Variants in RYR2 observed in about 807,000 individuals in gnomAD.
RYR2 encodes the protein ryanodine receptor 2.
RYR2 carries 227 observed loss-of-function variants against 601.1 expected under a neutral mutation model. The observed-to-expected ratio is 0.38, with a 90% CI of 0.34 to 0.42. The LOEUF is 0.42. Ranked by LOEUF, RYR2 falls within the 10% of genes least tolerant of loss-of-function variation. RYR2 has a pLI of 1.00. For synonymous variants in RYR2, 2,223 were observed against 2,175.1 expected, an observed-to-expected ratio of 1.02 and a Z score of -0.61; for missense variants, 4,646 against 6,156.5, an observed-to-expected ratio of 0.75 and a Z score of 8.21.
chr1:237,611,120 CT>C (rs1677820829), intron 36 of RYR2, 132 bp downstream of exon 36: 8 of 701,680 alleles, frequency 1.1e-5, no homozygotes, highest in African/African-American at 8.9e-5. Context: ...GATCTAAATT[CT>C]TTAGGCAATG....
At position 237,346,367 on chromosome 1, in the gene RYR2, C is replaced by CAAAAAAAAAAAAAAAAAAAAAAAAAA. The variant is rs397975831; in HGVS notation, c.274-9581_274-9580insAAAAAAAAAAAAAAAAAAAAAAAAAA. Among the ~76,000 whole-genome samples, 91 of 62,258 alleles carry CAAAAAAAAAAAAAAAAAAAAAAAAAA rather than the reference C, an allele frequency of 1.5e-3. 3 individuals carry two copies. The highest frequency in any genetic ancestry group is 2.3e-3 in the Non-Finnish European group (68 of 29,754). The allele number at this position is 62,258 out of a possible 152,430, so 40.8% of individuals were successfully genotyped here. On this transcript the variant is annotated intron_variant, in intron 3 of 104. Coordinates refer to ENST00000366574, the MANE Select transcript of RYR2 (RefSeq NM_001035.3). ...CTGGGCAAAGTGAGAGGGTCTACCTCAAAAAAAAAAAAAAAAAGTGCATAT... is the reference window on the plus strand; with the variant it reads ...CTGGGCAAAGTGAGAGGGTCTACCTCAAAAAAAAAAAAAAAAAAAAAAAAAAAAAAAAAAAAAAAAAAAGTGCATAT...
chr1:237,781,779 C>T lies in RYR2; in HGVS notation c.11962+133C>T. On this transcript the variant is annotated intron_variant, in intron 89 of 104. Transcript: ENST00000366574. ...ATAGATGCCTTGGATTTCTTGCTGGCTTATTATTCTTTTTCTCACATTAGT... is the reference window on the plus strand; with the variant it reads ...ATAGATGCCTTGGATTTCTTGCTGGTTTATTATTCTTTTTCTCACATTAGT... 6.5e-6 allele frequency: 3 copies of T among 458,488 alleles called. No individual in the cohort carries two copies. In the South Asian group the frequency reaches 1.7e-4, roughly 26 times the overall value. The allele number at this position is 458,488 out of a possible 1,614,324, so 28.4% of individuals were successfully genotyped here. A position where few individuals can be genotyped will look rare whatever the true frequency, so the allele number is the denominator to read the frequency against.
At position 237,436,454 on chromosome 1, in the gene RYR2, CTTT is replaced by C. The variant is rs551140501; in HGVS notation, c.1006-4843_1006-4841del. On this transcript the variant is annotated intron_variant, in intron 12 of 104. Transcript: ENST00000366574. Reference sequence around the variant, plus strand: ...AGCCGAGGGATAATGTGTGATTTTCCTTTTTTTTTTTTTTTTTTTTTTTTGCAT... The same window carrying C: ...AGCCGAGGGATAATGTGTGATTTTCCTTTTTTTTTTTTTTTTTTTTTGCAT... 4.9e-3 allele frequency among the ~76,000 whole-genome samples: 241 copies of C among 48,702 alleles called. 4 individuals carry two copies. Among genetic ancestry groups the C allele is most frequent in the Admixed American group, 6.6e-3 (26 of 3,934 alleles). The allele number at this position is 48,702 out of a possible 152,430, so 32.0% of individuals were successfully genotyped here.
intron 1 of RYR2, among the ~76,000 whole-genome samples, chr1:237,251,049 TG>T: frequency 7.3e-6 from 1 of 137,328 alleles, no homozygotes; most frequent in South Asian, 2.3e-4. Flanking sequence ...TGTGTGTGTG[TG>T]TGTGTGTGTG....
intron 80 of RYR2, chr1:237,754,937 C>CT (rs1302679576): frequency 2.5e-3 from 1,034 of 414,272 alleles, no homozygotes; most frequent in Non-Finnish European, 3.2e-3. Flanking sequence ...AAAGCTGCCT[C>CT]TTTTTTTTTC....
intron 38 of RYR2, among the ~76,000 whole-genome samples, chr1:237,622,216 A>G (rs1220716917): frequency 6.6e-6 from 1 of 152,198 alleles, no homozygotes; most frequent in Non-Finnish European, 1.5e-5. Flanking sequence ...TATAAATTTA[A>G]TAGTATTGTT....
chr1:237,450,043 T>C (rs1657895438), intron 14 of RYR2, among the ~76,000 whole-genome samples: 1 of 152,182 alleles, frequency 6.6e-6, no homozygotes, highest in African/African-American at 2.4e-5. Context: ...CAAGACCCTC[T>C]GAATACTCTA....
At chr1:237,217,569 C>T (rs1683327794) in intron 1 of RYR2, among the ~76,000 whole-genome samples, 1 of 152,084 alleles carries the variant, frequency 6.6e-6, no homozygotes, top group Admixed American at 6.6e-5. Context: ...AATAATAGCA[C>T]CAAGTTCATA....
intron 1 of RYR2, among the ~76,000 whole-genome samples, chr1:237,159,643 C>A (rs1036135995): frequency 6.6e-6 from 1 of 152,046 alleles, no homozygotes; most frequent in African/African-American, 2.4e-5. Flanking sequence ...CCAACCTGGA[C>A]AACAAAGTGT....
intron 1 of RYR2, among the ~76,000 whole-genome samples, chr1:237,133,375 C>G (rs1289973698): frequency 6.6e-6 from 1 of 152,124 alleles, no homozygotes; most frequent in African/African-American, 2.4e-5. Flanking sequence ...CCTAGGCCCC[C>G]TTTCTTACTT....
intron 1 of RYR2, among the ~76,000 whole-genome samples, chr1:237,088,147 C>A (rs1009017290): frequency 6.7e-6 from 1 of 150,134 alleles, no homozygotes; most frequent in Non-Finnish European, 1.5e-5. Flanking sequence ...CTTGACTGTA[C>A]TTTTTTTTTT....
At chr1:237,461,385 T>G (rs978436862) in intron 16 of RYR2, among the ~76,000 whole-genome samples, 2 of 152,170 alleles carry the variant, frequency 1.3e-5, no homozygotes, top group African/African-American at 4.8e-5. Context: ...TGAACTTTCA[T>G]AGACTCTGTG....
At chr1:237,826,225 T>C (rs1001153427) in intron 101 of RYR2, among the ~76,000 whole-genome samples, 2 of 152,184 alleles carry the variant, frequency 1.3e-5, no homozygotes, top group African/African-American at 2.4e-5. Context: ...CGTATGTTTA[T>C]TGGGGCACTG....
At position 237,481,777 on chromosome 1, in the gene RYR2, C is replaced by A. The variant is rs1193509094; in HGVS notation, c.1709-10029C>A. The stretch of plus-strand genomic sequence containing the variant: ...ACTGCTTTTACACATAACTCAGATT[C>A]TTTCCCTTACAGCCTCACCATTGCT... On this transcript the variant is annotated intron_variant, in intron 17 of 104. Transcript: ENST00000366574. Among the ~76,000 whole-genome samples, 6 of 132,236 alleles carry A rather than the reference C, an allele frequency of 4.5e-5. No homozygotes were observed. The East Asian group carries it at 9.7e-4, about 21-fold the overall frequency. The allele number at this position is 132,236 out of a possible 152,430, so 86.8% of individuals were successfully genotyped here.
At chr1:237,385,358 A>C (rs912544940) in intron 8 of RYR2, among the ~76,000 whole-genome samples, 1 of 152,202 alleles carries the variant, frequency 6.6e-6, no homozygotes, top group Non-Finnish European at 1.5e-5. Context: ...GAGGTGATAG[A>C]TATCTCAATT....
At chr1:237,278,365 A>C (rs1029135003) in intron 2 of RYR2, among the ~76,000 whole-genome samples, 11 of 141,436 alleles carry the variant, frequency 7.8e-5, no homozygotes, top group African/African-American at 2.9e-4. Context: ...TGCTGAGATT[A>C]CAGCTGTCAG....
At chr1:237,387,428 A>G (rs759449346) in intron 9 of RYR2, 48 bp downstream of exon 9, 1 of 1,537,730 alleles carries the variant, frequency 6.5e-7, no homozygotes, top group South Asian at 1.1e-5. Flanking sequence ...TGCAAAGTTG[A>G]CAGTCATCTT....
intron 29 of RYR2, among the ~76,000 whole-genome samples, chr1:237,587,359 G>T (rs1274500878): frequency 6.6e-6 from 1 of 151,870 alleles, no homozygotes; most frequent in East Asian, 1.9e-4. Context: ...GTCCCATTTT[G>T]TTAAATAAAA....
rs4006354 is a variant in RYR2, at chr1:237,255,838, AGTGT to A, written c.49-14627_49-14624del. Among the ~76,000 whole-genome samples, 377 of 142,954 alleles carry A rather than the reference AGTGT, an allele frequency of 2.6e-3. 4 individuals carry two copies. Among genetic ancestry groups the A allele is most frequent in the African/African-American group, 7.0e-3 (270 of 38,368 alleles). The allele number at this position is 142,954 out of a possible 152,430, so 93.8% of individuals were successfully genotyped here. ...TTCTAGTTGTGCTGCTTGCTATACC[AGTGT>A]GTGTGTGTGTGTGTGTGTGTGTGTG... On this transcript the variant is annotated intron_variant, in intron 1 of 104. Coordinates refer to ENST00000366574, the MANE Select transcript of RYR2 (RefSeq NM_001035.3).
Sources: gnomAD v4.1 joint callset for allele counts (sites outside exome capture counted in the v4.1 genomes callset) on GRCh38, gnomAD v4.1.1 for gene constraint, MANE v1.5 for transcripts, NCBI Gene and HGNC (gene_info 2026-07-23, HGNC 2026-07-21) for gene names.